OSBPL6: variants seen among roughly 807,000 people sequenced by gnomAD.
OSBPL6 encodes oxysterol binding protein like 6.
A neutral mutation model predicts 125.8 loss-of-function variants in OSBPL6; 49 were observed. The observed-to-expected ratio is 0.39, with a 90% CI of 0.31 to 0.49. The LOEUF (loss-of-function observed/expected upper bound fraction) is 0.49, where lower values mean the gene tolerates loss of function less well. OSBPL6 is among the 20% of genes least tolerant of loss of function. OSBPL6 has a pLI of 0.88. For synonymous variants in OSBPL6, 394 were observed against 391.8 expected (o/e 1.01, Z -0.07); for missense variants, 986 against 1,135.4 (o/e 0.87, Z 1.89).
chr2:178,265,303 C>T (rs1050152088), intron 1 of OSBPL6, among the ~76,000 whole-genome samples: 1 of 139,406 alleles, frequency 7.2e-6, no homozygotes, highest in Non-Finnish European at 1.5e-5. Flanking sequence ...CCTCAACCTT[C>T]TGGGCTCAAG....
At chr2:178,221,916 C>T (rs946181539) in intron 1 of OSBPL6, among the ~76,000 whole-genome samples, 4 of 152,200 alleles carry the variant, frequency 2.6e-5, no homozygotes, top group African/African-American at 9.7e-5. Flanking sequence ...ATTGTTCCCA[C>T]TGGAGTAAAT....
intron 2 of OSBPL6, among the ~76,000 whole-genome samples, chr2:178,298,081 C>T (rs552635811): frequency 2.6e-5 from 4 of 152,292 alleles, no homozygotes; most frequent in East Asian, 3.9e-4. Context: ...CATTTGACTA[C>T]TTTGCATACC....
At chr2:178,252,853 A>G (rs1383561415) in intron 1 of OSBPL6, among the ~76,000 whole-genome samples, 2 of 152,110 alleles carry the variant, frequency 1.3e-5, no homozygotes, top group African/African-American at 4.8e-5. Flanking sequence ...TTCCACTAAA[A>G]TAGTATGATC....
At chr2:178,239,664 C>T (rs969094764) in intron 1 of OSBPL6, among the ~76,000 whole-genome samples, 3 of 151,454 alleles carry the variant, frequency 2.0e-5, no homozygotes, top group Non-Finnish European at 2.9e-5. Flanking sequence ...CTCGCTCTGT[C>T]GCCCAGGCTG....
rs978419623 is a variant in OSBPL6 at position 178,365,048 on chromosome 2, C to T, written c.1287+3233C>T. On this transcript the variant is annotated intron_variant, in intron 13 of 24. Transcript: ENST00000190611. ...AAAATTAGCTGGGCGTGGTGGCGGG[C>T]GCCTATAATCCCAGCTGTTTGGGAG... 2.6e-5 allele frequency among the ~76,000 whole-genome samples: 4 copies of T among 151,726 alleles called. No homozygotes were observed. In the South Asian group the frequency reaches 6.2e-4, roughly 24 times the overall value.
At chr2:178,346,692 A>G (rs916038175) in intron 11 of OSBPL6, among the ~76,000 whole-genome samples, 1 of 152,188 alleles carries the variant, frequency 6.6e-6, no homozygotes. Flanking sequence ...GAAACCAGTT[A>G]CCACTTAGAT....
chr2:178,206,302 G>T (rs1041469660), intron 1 of OSBPL6, among the ~76,000 whole-genome samples: 1 of 152,212 alleles, frequency 6.6e-6, no homozygotes, highest in African/African-American at 2.4e-5. Context: ...ACTTAAAGTT[G>T]TGTGGTTAGG....
intron 3 of OSBPL6, among the ~76,000 whole-genome samples, chr2:178,317,552 A>G (rs1687869160): frequency 6.7e-6 from 1 of 149,304 alleles, no homozygotes; most frequent in African/African-American, 2.4e-5. Context: ...GCTGAATGAA[A>G]GAACATATAT....
chr2:178,344,430 G>A, intron 11 of OSBPL6: 1 of 1,451,352 alleles, frequency 6.9e-7, no homozygotes, highest in Non-Finnish European at 9.7e-7. Flanking sequence ...TGACTCCCCT[G>A]TCCTGATGGT....
chr2:178,258,187 G>A (rs1559170780), intron 1 of OSBPL6, among the ~76,000 whole-genome samples: 3 of 151,522 alleles, frequency 2.0e-5, no homozygotes, highest in Non-Finnish European at 2.9e-5. Flanking sequence ...CATGGCCTCC[G>A]CCTCCCCAAT....
intron 21 of OSBPL6, among the ~76,000 whole-genome samples, chr2:178,389,927 G>C (rs1484518085): frequency 2.0e-5 from 3 of 152,114 alleles, no homozygotes; most frequent in African/African-American, 7.2e-5. Context: ...CATATTGGAA[G>C]GTTGTATTTA....
intron 8 of OSBPL6, among the ~76,000 whole-genome samples, chr2:178,333,907 GAGAC>G (rs1559258261): frequency 6.6e-6 from 1 of 152,170 alleles, no homozygotes; most frequent in Non-Finnish European, 1.5e-5. Context: ...CCAAAGTTCA[GAGAC>G]AGTAAAAAAT....
At chr2:178,205,561 C>T (rs1055975665) in intron 1 of OSBPL6, among the ~76,000 whole-genome samples, 1 of 152,142 alleles carries the variant, frequency 6.6e-6, no homozygotes, top group Non-Finnish European at 1.5e-5. Flanking sequence ...CTAAACAGGA[C>T]ATAAAGAGTG....
chr2:178,227,036 G>A (rs1394714762), intron 1 of OSBPL6, among the ~76,000 whole-genome samples: 1 of 152,094 alleles, frequency 6.6e-6, no homozygotes, highest in African/African-American at 2.4e-5. Flanking sequence ...CTGGGTGATG[G>A]CTACACACAA....
intron 9 of OSBPL6, among the ~76,000 whole-genome samples, chr2:178,338,136 T>C (rs569336279): frequency 2.0e-5 from 3 of 152,260 alleles, no homozygotes; most frequent in Admixed American, 2.0e-4. Context: ...TTTCACCATA[T>C]TGGCCAGGCT....
At position 178,384,219 on chromosome 2, in the gene OSBPL6, G is replaced by A. The variant is rs559180710; in HGVS notation, c.2013+43G>A. The A allele has an allele frequency of 3.0e-5, 48 of 1,590,914 alleles. No individual in the cohort carries two copies. In the Middle Eastern group the frequency reaches 6.7e-4, roughly 22 times the overall value. On this transcript the variant is annotated intron_variant, in intron 18 of 24. Coordinates refer to ENST00000190611, the MANE Select transcript of OSBPL6 (RefSeq NM_032523.4). ...CAGTGAGGTTTCTATATAGGTAAGAGGACAGTTCGGTGATGAAAGCACCAT... is the reference window on the plus strand; with the variant it reads ...CAGTGAGGTTTCTATATAGGTAAGAAGACAGTTCGGTGATGAAAGCACCAT...
intron 11 of OSBPL6, among the ~76,000 whole-genome samples, chr2:178,341,798 C>T (rs1350303211): frequency 6.6e-6 from 1 of 152,138 alleles, no homozygotes; most frequent in African/African-American, 2.4e-5. Flanking sequence ...AGAGCTTGGT[C>T]CTATCTGTGG....
At chr2:178,272,700 G>T (rs2092396289) in intron 1 of OSBPL6, among the ~76,000 whole-genome samples, 1 of 152,154 alleles carries the variant, frequency 6.6e-6, no homozygotes, top group Non-Finnish European at 1.5e-5. Flanking sequence ...TCTTTCTTCA[G>T]CAAAACTTGT....
At chr2:178,292,392 C>G (rs1430644193) in intron 2 of OSBPL6, among the ~76,000 whole-genome samples, 1 of 152,108 alleles carries the variant, frequency 6.6e-6, no homozygotes, top group African/African-American at 2.4e-5. Flanking sequence ...CACAAATCTC[C>G]TTTGAAAGGT....
Sources: allele counts gnomAD v4.1 joint callset (sites outside exome capture counted in the v4.1 genomes callset), GRCh38; gene constraint gnomAD v4.1.1; transcripts MANE v1.5; gene names NCBI Gene and HGNC (gene_info 2026-07-23, HGNC 2026-07-21).